Variants in TSPAN9 observed in about 807,000 individuals in gnomAD.
TSPAN9 encodes tetraspanin 9, also known as tetraspanin-9.
TSPAN9 carries 16 observed loss-of-function variants against 31.0 expected under a neutral mutation model. That is an observed-to-expected ratio of 0.52 (90% confidence interval 0.35 to 0.78). The LOEUF is 0.78. Among genes scored for constraint, TSPAN9 ranks in the 30% least tolerant of loss-of-function variants. TSPAN9 has a pLI of 0.01. For missense variants in TSPAN9, 272 were observed against 312.5 expected (o/e 0.87, Z 0.98); for synonymous variants, 145 against 121.6 (o/e 1.19, Z -1.27).
At chr12:3,104,902 A>T (rs941909629) in intron 2 of TSPAN9, among the ~76,000 whole-genome samples, 2 of 152,192 alleles carry the variant, frequency 1.3e-5, no homozygotes, top group Non-Finnish European at 2.9e-5. Flanking sequence ...AGGGCCGGTC[A>T]TTTAGGACAA....
intron 2 of TSPAN9, among the ~76,000 whole-genome samples, chr12:3,156,401 G>C (rs2098342286): frequency 6.6e-6 from 1 of 152,198 alleles, no homozygotes; most frequent in Admixed American, 6.5e-5. Context: ...GGGGCCAGGA[G>C]ATAGGGTGCT....
At position 3,271,039 on chromosome 12, in the gene TSPAN9, A is replaced by C. The variant is rs906084494; in HGVS notation, c.64-7382A>C. On this transcript the variant is annotated intron_variant, in intron 3 of 8. Coordinates refer to ENST00000011898, the MANE Select transcript of TSPAN9 (RefSeq NM_006675.5). ...ACTGTCTCACATGGAGAATAACCCC[A>C]TTCTGGTATAATCAAAATGTAACTG... Among the ~76,000 whole-genome samples the C allele has an allele frequency of 1.4e-4, 22 of 152,230 alleles. 1 individual carries two copies. Among genetic ancestry groups the C allele is most frequent in the Admixed American group, 1.4e-3 (22 of 15,284 alleles).
intron 3 of TSPAN9, among the ~76,000 whole-genome samples, chr12:3,261,877 T>C (rs1862456341): frequency 6.6e-6 from 1 of 152,202 alleles, no homozygotes; most frequent in Non-Finnish European, 1.5e-5. Context: ...AGCCTTGCCC[T>C]TCCCCCAAGG....
chr12:3,146,926 A>T (rs1384815980), intron 2 of TSPAN9, among the ~76,000 whole-genome samples: 1 of 152,110 alleles, frequency 6.6e-6, no homozygotes, highest in Non-Finnish European at 1.5e-5. Context: ...GACACTTACA[A>T]GCTTGCACAA....
intron 1 of TSPAN9, among the ~76,000 whole-genome samples, chr12:3,082,530 T>C (rs2098298439): frequency 1.3e-5 from 2 of 152,098 alleles, no homozygotes; most frequent in African/African-American, 4.8e-5. Context: ...CCCTGGGAAG[T>C]TTGCAGGTTT....
At chr12:3,082,707 T>C (rs1252833039) in intron 1 of TSPAN9, among the ~76,000 whole-genome samples, 2 of 152,038 alleles carry the variant, frequency 1.3e-5, no homozygotes, top group Non-Finnish European at 2.9e-5. Flanking sequence ...TGTAACTTGA[T>C]TGGATGGGGA....
intron 3 of TSPAN9, among the ~76,000 whole-genome samples, chr12:3,219,317 C>T (rs1175797249): frequency 2.0e-5 from 3 of 152,292 alleles, no homozygotes; most frequent in South Asian, 2.1e-4. Flanking sequence ...CAGGGACTGT[C>T]CTAGCACAAC....
At chr12:3,115,788 T>C (rs1779875184) in intron 2 of TSPAN9, among the ~76,000 whole-genome samples, 1 of 152,196 alleles carries the variant, frequency 6.6e-6, no homozygotes, top group Non-Finnish European at 1.5e-5. Flanking sequence ...CATGAGAATA[T>C]TTTGGGGACA....
intron 2 of TSPAN9, among the ~76,000 whole-genome samples, chr12:3,191,131 C>A (rs199909057): frequency 6.6e-6 from 1 of 151,620 alleles, no homozygotes; most frequent in Non-Finnish European, 1.5e-5. Context: ...GTGCAAAGGC[C>A]AGGGGATGAG....
intron 3 of TSPAN9, among the ~76,000 whole-genome samples, chr12:3,258,856 G>A (rs184968663): frequency 6.6e-6 from 1 of 152,160 alleles, no homozygotes; most frequent in Non-Finnish European, 1.5e-5. Flanking sequence ...GACCAAGAGT[G>A]CCCAGAGGGC....
At chr12:3,119,660 C>T (rs1474327781) in intron 2 of TSPAN9, among the ~76,000 whole-genome samples, 2 of 152,208 alleles carry the variant, frequency 1.3e-5, no homozygotes, top group African/African-American at 2.4e-5. Flanking sequence ...TCTCCACTGA[C>T]CACATCCTGT....
chr12:3,205,397 G>A (rs142453839), intron 3 of TSPAN9, among the ~76,000 whole-genome samples: 79 of 152,346 alleles, frequency 5.2e-4, no homozygotes, highest in African/African-American at 1.9e-3. Context: ...TCCCTTAAGT[G>A]AGGTCAGGGC....
Position 3,281,101 on chromosome 12 carries a change from T to C in TSPAN9, c.433-97T>C, listed in dbSNP as rs71577841. Reference sequence around the variant, plus strand: ...TCCCTTAACTGCAGGGTGGCCACTTTTGCGGGGACTGGGGTTGGCCTGGGC... The same window carrying C: ...TCCCTTAACTGCAGGGTGGCCACTTCTGCGGGGACTGGGGTTGGCCTGGGC... On this transcript the variant is annotated intron_variant, in intron 6 of 8. Coordinates refer to ENST00000011898, the MANE Select transcript of TSPAN9 (RefSeq NM_006675.5). 2.3e-3 allele frequency: 3,535 copies of C among 1,521,876 alleles called. 7 individuals are homozygous for C. Among genetic ancestry groups the C allele is most frequent in the Non-Finnish European group, 2.9e-3 (3,286 of 1,137,294 alleles). The allele number at this position is 1,521,876 out of a possible 1,614,324, so 94.3% of individuals were successfully genotyped here.
chr12:3,154,096 G>A (rs763518244), intron 2 of TSPAN9, among the ~76,000 whole-genome samples: 3 of 151,776 alleles, frequency 2.0e-5, no homozygotes, highest in Non-Finnish European at 2.9e-5. Flanking sequence ...CCCCTTTTGC[G>A]TTATTTCCTT....
Position 3,248,619 on chromosome 12 carries a change from TGG to T in TSPAN9, c.64-29800_64-29799del, listed in dbSNP as rs1565631297. On this transcript the variant is annotated intron_variant, in intron 3 of 8. Transcript: ENST00000011898. ...TTACACTCATTCCTTACAGTGAGCCTGGGAGGTGGAATAGATCATATTTTTTT... is the reference window on the plus strand; with the variant it reads ...TTACACTCATTCCTTACAGTGAGCCTGAGGTGGAATAGATCATATTTTTTT... Among the ~76,000 whole-genome samples, 769 of 149,888 alleles carry T rather than the reference TGG, an allele frequency of 5.1e-3. 22 individuals carry two copies. Among genetic ancestry groups the T allele is most frequent in the Admixed American group, 0.046 (685 of 15,050 alleles).
intron 2 of TSPAN9, among the ~76,000 whole-genome samples, chr12:3,171,163 G>T (rs772281449): frequency 2.0e-5 from 3 of 152,012 alleles, no homozygotes; most frequent in Non-Finnish European, 4.4e-5. Flanking sequence ...TAAAGCAGCT[G>T]CCCCTGCCCA....
At chr12:3,100,835 A>G (rs1406321477) in intron 2 of TSPAN9, among the ~76,000 whole-genome samples, 1 of 152,212 alleles carries the variant, frequency 6.6e-6, no homozygotes, top group Admixed American at 6.5e-5. Flanking sequence ...GAGTACAAAG[A>G]TGATATGGTG....
At chr12:3,135,391 G>A (rs1181696790) in intron 2 of TSPAN9, among the ~76,000 whole-genome samples, 5 of 152,090 alleles carry the variant, frequency 3.3e-5, no homozygotes, top group African/African-American at 1.2e-4. Context: ...CGGCCACCAC[G>A]TTTTTATTTG....
chr12:3,253,222 C>T (rs916168340), intron 3 of TSPAN9, among the ~76,000 whole-genome samples: 1 of 152,212 alleles, frequency 6.6e-6, no homozygotes, highest in Non-Finnish European at 1.5e-5. Flanking sequence ...GGCCCGCGTT[C>T]CTAAGAAAAC....
Sources: gnomAD v4.1 joint callset for allele counts (sites outside exome capture counted in the v4.1 genomes callset) on GRCh38, gnomAD v4.1.1 for gene constraint, MANE v1.5 for transcripts, NCBI Gene and HGNC (gene_info 2026-07-23, HGNC 2026-07-21) for gene names.